ISM1: variants seen among roughly 807,000 people sequenced by gnomAD.
The protein encoded by ISM1 is isthmin-1.
ISM1 carries 25 observed loss-of-function variants against 46.3 expected under a neutral mutation model. That is an observed-to-expected ratio of 0.54 (90% confidence interval 0.39 to 0.75). The LOEUF (loss-of-function observed/expected upper bound fraction) is 0.75, where lower values mean the gene tolerates loss of function less well. Ranked by LOEUF, ISM1 falls within the 30% of genes least tolerant of loss-of-function variation. The pLI is 0.00. For missense variants in ISM1, 536 were observed against 625.4 expected, an observed-to-expected ratio of 0.86 and a Z score of 1.52; for synonymous variants, 255 against 256.7, an observed-to-expected ratio of 0.99 and a Z score of 0.06.
chr20:13,256,638 A>C (rs1428060974), intron 1 of ISM1, among the ~76,000 whole-genome samples: 1 of 152,112 alleles, frequency 6.6e-6, no homozygotes, highest in Non-Finnish European at 1.5e-5. Context: ...AGAGGCTGGC[A>C]ATGGTGGTGT....
the ISM1 span, among the ~76,000 whole-genome samples, chr20:13,321,255 A>T: frequency 1.8e-3 from 115 of 65,338 alleles, 1 homozygote; most frequent in African/African-American, 4.2e-3. Context: ...GCCCCACATA[A>T]AAAAAAAAAA....
intron 1 of ISM1, chr20:13,238,924 C>T (rs2123158124): frequency 6.6e-6 from 1 of 152,358 alleles, no homozygotes; most frequent in South Asian, 2.1e-4. Flanking sequence ...AAAAGGCTAA[C>T]AACTCAGTGC....
At chr20:13,223,867 T>G (rs1168884418) in intron 1 of ISM1, among the ~76,000 whole-genome samples, 1 of 152,174 alleles carries the variant, frequency 6.6e-6, no homozygotes, top group African/African-American at 2.4e-5. Flanking sequence ...GCCATAAAAA[T>G]GATGTTCTGT....
chr20:13,315,218 A>G, the ISM1 span, among the ~76,000 whole-genome samples: 1 of 152,070 alleles, frequency 6.6e-6, no homozygotes, highest in Non-Finnish European at 1.5e-5. Context: ...TTTGAACATC[A>G]ATGACCTAAA....
At chr20:13,294,807 T>C (rs2040390927) in intron 5 of ISM1, among the ~76,000 whole-genome samples, 3 of 152,308 alleles carry the variant, frequency 2.0e-5, no homozygotes, top group South Asian at 4.1e-4. Flanking sequence ...TTAATCCTCT[T>C]TGCAACTTTA....
the ISM1 span, among the ~76,000 whole-genome samples, chr20:13,317,238 A>T: frequency 6.6e-6 from 1 of 151,932 alleles, no homozygotes; most frequent in South Asian, 2.1e-4. Flanking sequence ...TACATACAAG[A>T]TCTACACCAA....
At chr20:13,316,859 C>T in the ISM1 span, among the ~76,000 whole-genome samples, 5 of 151,854 alleles carry the variant, frequency 3.3e-5, no homozygotes, top group Non-Finnish European at 7.4e-5. Flanking sequence ...AAAGCTTTCC[C>T]ACTAAGATTA....
rs543860789 is a variant in ISM1, at chr20:13,267,355, A to G, written c.139-3149A>G. On this transcript the variant is annotated intron_variant, in intron 1 of 5. Coordinates refer to ENST00000262487, the MANE Select transcript of ISM1 (RefSeq NM_080826.2). ...ATGGAGAAATGCCACAGTTGTGTGC[A>G]TAACTGAAGCCAAAACATACTTCAG... Among the ~76,000 whole-genome samples, 8 of 152,350 alleles carry G rather than the reference A, an allele frequency of 5.3e-5. No homozygotes were observed. In the South Asian group the frequency reaches 1.7e-3, roughly 32 times the overall value.
At chr20:13,249,585 G>A (rs988189431) in intron 1 of ISM1, among the ~76,000 whole-genome samples, 5 of 152,170 alleles carry the variant, frequency 3.3e-5, no homozygotes, top group African/African-American at 4.8e-5. Context: ...AGGAAACCCC[G>A]CCAGGCTCTT....
At chr20:13,320,275 A>G in the ISM1 span, among the ~76,000 whole-genome samples, 4 of 152,162 alleles carry the variant, frequency 2.6e-5, no homozygotes, top group Non-Finnish European at 5.9e-5. Context: ...TACTTCCTAA[A>G]TTCCCAAATG....
At chr20:13,278,165 T>A (rs924928386) in intron 2 of ISM1, among the ~76,000 whole-genome samples, 2 of 152,204 alleles carry the variant, frequency 1.3e-5, no homozygotes, top group African/African-American at 4.8e-5. Flanking sequence ...AGGAACCCAA[T>A]GCGTCTTTTA....
At chr20:13,228,965 C>T (rs376037030) in intron 1 of ISM1, among the ~76,000 whole-genome samples, 27 of 152,240 alleles carry the variant, frequency 1.8e-4, no homozygotes, top group African/African-American at 6.5e-4. Flanking sequence ...AAATGTCAAA[C>T]TCAACCACTC....
At chr20:13,253,583 C>A (rs1395363442) in intron 1 of ISM1, among the ~76,000 whole-genome samples, 1 of 152,142 alleles carries the variant, frequency 6.6e-6, no homozygotes, top group Non-Finnish European at 1.5e-5. Context: ...TGCAGAGAAT[C>A]GCCAGGAGGC....
chr20:13,254,755 G>A (rs935620359), intron 1 of ISM1, among the ~76,000 whole-genome samples: 3 of 152,246 alleles, frequency 2.0e-5, no homozygotes, highest in Non-Finnish European at 2.9e-5. Context: ...AACAGAGCCA[G>A]GGAGAACTTT....
chr20:13,326,194 G>A, the ISM1 span, among the ~76,000 whole-genome samples: 1 of 152,142 alleles, frequency 6.6e-6, no homozygotes, highest in East Asian at 1.9e-4. Flanking sequence ...ATGCACCAGA[G>A]CTTGTTTATC....
intron 1 of ISM1, chr20:13,244,058 G>A (rs1193907777): frequency 6.6e-6 from 1 of 152,198 alleles, no homozygotes; most frequent in Non-Finnish European, 1.5e-5. Flanking sequence ...CAGAAAGAGA[G>A]CCCTGTTAGC....
chr20:13,264,933 T>C (rs1047056996), intron 1 of ISM1, among the ~76,000 whole-genome samples: 5 of 152,082 alleles, frequency 3.3e-5, no homozygotes, highest in African/African-American at 1.2e-4. Context: ...TCAGCAAACC[T>C]CCAAGTGCCC....
At chr20:13,240,743 A>C (rs1039235006) in intron 1 of ISM1, among the ~76,000 whole-genome samples, 1 of 152,196 alleles carries the variant, frequency 6.6e-6, no homozygotes. Flanking sequence ...GTAAGAGGTG[A>C]TGGGATGTGG....
intron 1 of ISM1, among the ~76,000 whole-genome samples, chr20:13,260,687 G>A (rs1000092771): frequency 6.6e-6 from 1 of 151,932 alleles, no homozygotes; most frequent in Middle Eastern, 3.4e-3. Flanking sequence ...AGTCAGAGCT[G>A]AATAGAGTGA....
Sources: gnomAD v4.1 joint callset for allele counts (sites outside exome capture counted in the v4.1 genomes callset) on GRCh38, gnomAD v4.1.1 for gene constraint, MANE v1.5 for transcripts, NCBI Gene and HGNC (gene_info 2026-07-23, HGNC 2026-07-21) for gene names.